The following AGBL1 variants were observed in gnomAD, a reference collection of about 807,000 sequenced individuals.
AGBL1 encodes the protein AGBL carboxypeptidase 1.
AGBL1 carries 130 observed loss-of-function variants against 118.9 expected under a neutral mutation model. The ratio of observed to expected loss-of-function variants is 1.09; its 90% confidence interval spans 0.95 to 1.26. AGBL1 has a LOEUF of 1.26. Among genes scored for constraint, AGBL1 ranks in the 50% most tolerant of loss-of-function variants. The probability of loss-of-function intolerance (pLI) is 0.00; values close to 1 mark genes in which losing one functional copy is unlikely to be tolerated. For synonymous variants in AGBL1, 555 were observed against 478.9 expected (o/e 1.16, Z -2.08); for missense variants, 1,584 against 1,298.1 (o/e 1.22, Z -3.38).
chr15:86,451,166 A>T (rs752814395), intron 18 of AGBL1, among the ~76,000 whole-genome samples: 1 of 151,990 alleles, frequency 6.6e-6, no homozygotes, highest in Non-Finnish European at 1.5e-5. Context: ...CTGGTTAGAC[A>T]CTTTCTTTCC....
At chr15:86,793,393 T>C (rs1465508592) in intron 22 of AGBL1, among the ~76,000 whole-genome samples, 1 of 152,208 alleles carries the variant, frequency 6.6e-6, no homozygotes, top group Non-Finnish European at 1.5e-5. Flanking sequence ...AGGGAAAGAA[T>C]AGTCTTCAAC....
At chr15:86,370,962 G>A (rs74027526) in intron 17 of AGBL1, among the ~76,000 whole-genome samples, 3,071 of 152,260 alleles carry the variant, frequency 0.02, 96 homozygotes, top group African/African-American at 0.071. Flanking sequence ...TATGGGTCTG[G>A]GGTTCAGAGC....
At chr15:86,256,821 T>C (rs573265671) in intron 7 of AGBL1, 32 bp from the exon 8 acceptor site, 3 of 1,610,254 alleles carry the variant, frequency 1.9e-6, no homozygotes, top group Non-Finnish European at 2.5e-6. Context: ...TGCCCAGATG[T>C]TGGCATCTGA....
intron 5 of AGBL1, among the ~76,000 whole-genome samples, chr15:86,176,072 A>C (rs1381936025): frequency 6.6e-6 from 1 of 152,162 alleles, no homozygotes; most frequent in East Asian, 1.9e-4. Context: ...CCAATGCTGA[A>C]AGTGAGGTGT....
intron 17 of AGBL1, among the ~76,000 whole-genome samples, chr15:86,393,038 C>T (rs1459013379): frequency 1.3e-5 from 2 of 152,094 alleles, no homozygotes; most frequent in African/African-American, 4.8e-5. Flanking sequence ...AACTTACCAA[C>T]ATGACTGCAA....
chr15:86,638,468 G>A (rs935940270), intron 21 of AGBL1, among the ~76,000 whole-genome samples: 2 of 152,072 alleles, frequency 1.3e-5, no homozygotes, highest in Admixed American at 1.3e-4. Flanking sequence ...CTATCTTGTG[G>A]GGAAGCAGGT....
intron 22 of AGBL1, among the ~76,000 whole-genome samples, chr15:86,686,363 A>G (rs1300152340): frequency 1.3e-5 from 2 of 151,944 alleles, no homozygotes; most frequent in African/African-American, 4.8e-5. Flanking sequence ...GGAATTTGGT[A>G]TCCCCATCAG....
intron 22 of AGBL1, among the ~76,000 whole-genome samples, chr15:86,813,734 G>A (rs2078823157): frequency 6.6e-6 from 1 of 152,094 alleles, no homozygotes; most frequent in African/African-American, 2.4e-5. Context: ...CAGAGAGAGG[G>A]TTTGTAACAA....
chr15:86,951,338 C>A (rs1022789186), intron 23 of AGBL1, among the ~76,000 whole-genome samples: 1 of 152,172 alleles, frequency 6.6e-6, no homozygotes, highest in African/African-American at 2.4e-5. Context: ...CTATTATACT[C>A]AAGACAAATA....
At chr15:86,377,882 T>G (rs8037146) in intron 17 of AGBL1, among the ~76,000 whole-genome samples, 2 of 152,016 alleles carry the variant, frequency 1.3e-5, no homozygotes, top group Admixed American at 1.3e-4. Context: ...TGCCTGAAGA[T>G]AAAAACTCAT....
downstream of AGBL1, among the ~76,000 whole-genome samples, chr15:86,919,388 T>C (rs1025966045): frequency 1.7e-4 from 23 of 137,892 alleles, no homozygotes; most frequent in Non-Finnish European, 2.5e-4. Flanking sequence ...TTCTGAATAG[T>C]TTTTTTGTTG....
intron 21 of AGBL1, among the ~76,000 whole-genome samples, chr15:86,668,746 T>G (rs1450415160): frequency 6.6e-6 from 1 of 152,192 alleles, no homozygotes; most frequent in Non-Finnish European, 1.5e-5. Context: ...AGGATTGATT[T>G]GGGACCATCA....
chr15:86,491,030 AC>A (rs1273766346), intron 18 of AGBL1, among the ~76,000 whole-genome samples: 3 of 152,132 alleles, frequency 2.0e-5, no homozygotes, highest in African/African-American at 4.8e-5. Context: ...CTGTGGTTAT[AC>A]AAAAATATAT....
chr15:86,396,775 C>A (rs1207793686), intron 17 of AGBL1, among the ~76,000 whole-genome samples: 1 of 152,062 alleles, frequency 6.6e-6, no homozygotes, highest in Non-Finnish European at 1.5e-5. Flanking sequence ...GTATTATTGT[C>A]CCCATTTTAT....
chr15:86,963,767 G>A (rs542631719), intron 23 of AGBL1, among the ~76,000 whole-genome samples: 1 of 151,926 alleles, frequency 6.6e-6, no homozygotes, highest in South Asian at 2.1e-4. Context: ...TTGAACCACT[G>A]TTCAATGATT....
At chr15:86,412,028 A>G (rs1384893740) in intron 18 of AGBL1, among the ~76,000 whole-genome samples, 1 of 152,196 alleles carries the variant, frequency 6.6e-6, no homozygotes, top group Non-Finnish European at 1.5e-5. Flanking sequence ...ATTTGGCCCA[A>G]GGAATCCCTT....
chr15:86,570,969 A>G (rs1378241202), intron 21 of AGBL1, among the ~76,000 whole-genome samples: 2 of 152,086 alleles, frequency 1.3e-5, no homozygotes, highest in Non-Finnish European at 2.9e-5. Context: ...CTGGCCTGTG[A>G]GCAGTTTGTG....
At chr15:86,218,881 C>T (rs561854741) in intron 5 of AGBL1, among the ~76,000 whole-genome samples, 2 of 152,332 alleles carry the variant, frequency 1.3e-5, no homozygotes, top group South Asian at 2.1e-4. Context: ...GAAGACTCAG[C>T]CCTGGCTGAT....
At chr15:86,651,693 G>T (rs1255870561) in intron 21 of AGBL1, among the ~76,000 whole-genome samples, 1 of 152,046 alleles carries the variant, frequency 6.6e-6, no homozygotes, top group South Asian at 2.1e-4. Flanking sequence ...GAAACTTCTT[G>T]ACCCCTCCAT....
Sources: allele counts gnomAD v4.1 joint callset (sites outside exome capture counted in the v4.1 genomes callset), GRCh38; gene constraint gnomAD v4.1.1; transcripts MANE v1.5; gene names NCBI Gene and HGNC (gene_info 2026-07-23, HGNC 2026-07-21).